PEPD: variants seen among roughly 807,000 people sequenced by gnomAD.
The protein encoded by PEPD is xaa-Pro dipeptidase.
A neutral mutation model predicts 60.7 loss-of-function variants in PEPD; 53 were observed. The ratio of observed to expected loss-of-function variants is 0.87; its 90% confidence interval spans 0.70 to 1.10. PEPD has a LOEUF of 1.10. Among genes scored for constraint, PEPD ranks in the 50% least tolerant of loss-of-function variants. The probability of loss-of-function intolerance (pLI) is 0.00; values close to 1 mark genes in which losing one functional copy is unlikely to be tolerated. For synonymous variants in PEPD, 267 were observed against 284.1 expected (o/e 0.94, Z 0.60); for missense variants, 711 against 711.9 (o/e 1.00, Z 0.01).
chr19:33,456,936 C>G (rs942502071), intron 9 of PEPD, among the ~76,000 whole-genome samples: 6 of 151,724 alleles, frequency 4.0e-5, no homozygotes, highest in Non-Finnish European at 4.4e-5. Context: ...TGACTTCCCT[C>G]TCCAGTGAAA....
intron 9 of PEPD, among the ~76,000 whole-genome samples, chr19:33,422,163 A>G (rs888085276): frequency 2.6e-5 from 4 of 152,004 alleles, no homozygotes; most frequent in African/African-American, 9.7e-5. Flanking sequence ...CCACTGGAAC[A>G]GCTTTTTCTC....
chr19:33,521,753 G>C lies in PEPD; in HGVS notation c.8C>G (p.Ala3Gly). MA[A>G]ATGPSFWLGN... ...GAGGCGCAGCACTCACCCGGTGGCC[G>C]CCGCCATGTTCGCCCGGCACCGGCG... The change falls in exon 1 of 15, where the codon GCG becomes GGG. Residue 3 changes from alanine to glycine, a missense_variant. Ala to Gly is a moderately conservative substitution (Grantham distance 60). Transcript: ENST00000244137. The C allele has an allele frequency of 6.3e-7, 1 of 1,576,650 alleles. No homozygotes were observed. The highest frequency in any genetic ancestry group is 1.3e-5 in the African/African-American group (1 of 74,388).
At chr19:33,419,854 G>A (rs2145377655) in intron 9 of PEPD, among the ~76,000 whole-genome samples, 1 of 152,022 alleles carries the variant, frequency 6.6e-6, no homozygotes, top group African/African-American at 2.4e-5. Context: ...CAGGAGCTGG[G>A]GTCTGAGAGA....
At chr19:33,453,251 T>C (rs1969729546) in intron 9 of PEPD, among the ~76,000 whole-genome samples, 1 of 151,856 alleles carries the variant, frequency 6.6e-6, no homozygotes. Flanking sequence ...GAGGTTGAGG[T>C]TGCAGTGAAC....
intron 11 of PEPD, among the ~76,000 whole-genome samples, chr19:33,405,049 T>C (rs1968589089): frequency 6.6e-6 from 1 of 152,172 alleles, no homozygotes; most frequent in African/African-American, 2.4e-5. Flanking sequence ...GACCCTACCA[T>C]CTTTGGCCGA....
At chr19:33,463,131 C>A (rs1022685641) in intron 8 of PEPD, 90 bp from the exon 9 acceptor site, 6 of 835,654 alleles carry the variant, frequency 7.2e-6, no homozygotes, top group Non-Finnish European at 1.3e-5. Flanking sequence ...TTCAAAAGCA[C>A]CTCTTCTTTA....
At chr19:33,438,166 C>A (rs1482050051) in intron 9 of PEPD, among the ~76,000 whole-genome samples, 1 of 152,188 alleles carries the variant, frequency 6.6e-6, no homozygotes, top group Non-Finnish European at 1.5e-5. Flanking sequence ...GAGGGCAGAC[C>A]CAGGGTGCTG....
intron 7 of PEPD, among the ~76,000 whole-genome samples, chr19:33,469,127 C>T (rs1600140895): frequency 6.6e-6 from 1 of 152,132 alleles, no homozygotes; most frequent in South Asian, 2.1e-4. Context: ...CAGGATCTCC[C>T]GCCCTCCAAC....
chr19:33,451,752 C>A (rs1165137746), intron 9 of PEPD, among the ~76,000 whole-genome samples: 1 of 152,132 alleles, frequency 6.6e-6, no homozygotes, highest in Non-Finnish European at 1.5e-5. Flanking sequence ...ATAGCAACAC[C>A]AGTGTCAGGC....
chr19:33,444,812 T>G (rs2145240363), intron 9 of PEPD, among the ~76,000 whole-genome samples: 1 of 152,188 alleles, frequency 6.6e-6, no homozygotes, highest in Non-Finnish European at 1.5e-5. Context: ...CCATCCACCA[T>G]GTCTCTCTCC....
chr19:33,502,438 C>T (rs896804949), intron 3 of PEPD, among the ~76,000 whole-genome samples: 8 of 152,114 alleles, frequency 5.3e-5, no homozygotes, highest in Non-Finnish European at 8.8e-5. Context: ...ATGCTGACTT[C>T]CTAGAACTAA....
intron 9 of PEPD, among the ~76,000 whole-genome samples, chr19:33,426,674 G>A (rs916611223): frequency 2.6e-5 from 4 of 152,244 alleles, no homozygotes; most frequent in Non-Finnish European, 5.9e-5. Flanking sequence ...CAAGCCAGTG[G>A]TCACTGCGCA....
chr19:33,489,560 T>G (rs987091545), intron 6 of PEPD, among the ~76,000 whole-genome samples: 17 of 151,232 alleles, frequency 1.1e-4, no homozygotes, highest in Non-Finnish European at 2.2e-4. Context: ...ATCCGGGAGA[T>G]GGAGGTTGCA....
chr19:33,395,739 A>G (rs7258863), intron 12 of PEPD, among the ~76,000 whole-genome samples: 15,139 of 152,298 alleles, frequency 0.099, 851 homozygotes, highest in African/African-American at 0.14. Flanking sequence ...CAAAGGCAGC[A>G]TCCTCAGAGC....
chr19:33,512,566 C>A, intron 2 of PEPD, 27 bp downstream of exon 2: 1 of 1,608,962 alleles, frequency 6.2e-7, no homozygotes, highest in Non-Finnish European at 8.5e-7. Flanking sequence ...CACACCTGCT[C>A]ACTTGTGGCC....
intron 6 of PEPD, chr19:33,487,106 C>T (rs1970411384): frequency 6.6e-6 from 1 of 152,240 alleles, no homozygotes; most frequent in African/African-American, 2.4e-5. Context: ...TATTAATATC[C>T]CAGCTAGCAG....
At chr19:33,448,764 G>A (rs998594337) in intron 9 of PEPD, among the ~76,000 whole-genome samples, 4 of 152,098 alleles carry the variant, frequency 2.6e-5, no homozygotes, top group Non-Finnish European at 4.4e-5. Flanking sequence ...CCACGCTGCT[G>A]CTCTGTGGAA....
chr19:33,484,926 T>C (rs765871940), intron 6 of PEPD, among the ~76,000 whole-genome samples: 1 of 152,218 alleles, frequency 6.6e-6, no homozygotes, highest in Non-Finnish European at 1.5e-5. Context: ...ACAATGAGCA[T>C]GTATTAATCG....
At chr19:33,419,879 A>C (rs1191460256) in intron 9 of PEPD, among the ~76,000 whole-genome samples, 1 of 152,232 alleles carries the variant, frequency 6.6e-6, no homozygotes, top group Non-Finnish European at 1.5e-5. Flanking sequence ...TGGGATGCTG[A>C]GGCCCCGCCC....
Sources: gnomAD v4.1 joint callset for allele counts (sites outside exome capture counted in the v4.1 genomes callset) on GRCh38, gnomAD v4.1.1 for gene constraint, MANE v1.5 for transcripts, NCBI Gene and HGNC (gene_info 2026-07-23, HGNC 2026-07-21) for gene names.